MYO16: variants seen among roughly 807,000 people sequenced by gnomAD.
MYO16 encodes myosin XVI.
A neutral mutation model predicts 205.3 loss-of-function variants in MYO16; 94 were observed. The observed-to-expected ratio is 0.46, with a 90% CI of 0.39 to 0.54. The LOEUF (loss-of-function observed/expected upper bound fraction) is 0.54. MYO16 is among the 20% of genes least tolerant of loss of function. MYO16 has a pLI of 0.00. For synonymous variants in MYO16, 988 were observed against 954.0 expected (o/e 1.04, Z -0.66); for missense variants, 2,315 against 2,387.5 (o/e 0.97, Z 0.63).
intron 3 of MYO16, among the ~76,000 whole-genome samples, chr13:108,721,359 G>T (rs930981640): frequency 6.6e-6 from 1 of 152,198 alleles, no homozygotes; most frequent in Admixed American, 6.5e-5. Context: ...TCAGAGTGAA[G>T]CCAGTCTTGC....
At chr13:108,534,562 A>C in the MYO16 span, among the ~76,000 whole-genome samples, 1 of 151,442 alleles carries the variant, frequency 6.6e-6, no homozygotes, top group African/African-American at 2.4e-5. Flanking sequence ...TTTTTTTTCC[A>C]ATTCTACCCA....
At chr13:109,090,287 G>A (rs548148119) in intron 27 of MYO16, among the ~76,000 whole-genome samples, 9 of 152,310 alleles carry the variant, frequency 5.9e-5, no homozygotes, top group African/African-American at 1.2e-4. Context: ...GACCAAATTC[G>A]AAGCCTCAGC....
chr13:108,708,556 T>C (rs1883602520), intron 2 of MYO16, among the ~76,000 whole-genome samples: 1 of 152,234 alleles, frequency 6.6e-6, no homozygotes, highest in Non-Finnish European at 1.5e-5. Context: ...CACCTGTGAT[T>C]GTCCTTCCCT....
In MYO16 at chr13:109,120,472, A is replaced by G. The variant is rs2139760634; in HGVS notation, c.3535+6A>G. 1 of 1,589,878 alleles carries G rather than the reference A, an allele frequency of 6.3e-7. No homozygotes were observed. Among genetic ancestry groups the G allele is most frequent in the Non-Finnish European group, 8.6e-7 (1 of 1,163,830 alleles). On this transcript the variant is annotated splice_donor_region_variant and intron_variant, in intron 29 of 34. Coordinates refer to ENST00000457511, the MANE Select transcript of MYO16 (RefSeq NM_001198950.3). ...AATTATAACCTGCCAAAAAGGTAAC[A>G]TTTATATGCCAACATTTCTGAATTT...
chr13:108,832,299 T>C (rs940172643), intron 9 of MYO16, among the ~76,000 whole-genome samples: 6 of 151,858 alleles, frequency 4.0e-5, no homozygotes, highest in African/African-American at 1.5e-4. Flanking sequence ...TGCACCACCG[T>C]GCCCAGCTAA....
At chr13:108,897,973 T>C (rs774841312) in intron 14 of MYO16, 43 bp from the exon 15 acceptor site, 1 of 1,442,620 alleles carries the variant, frequency 6.9e-7, no homozygotes. Context: ...ATTTTATTTC[T>C]TAAAATATGA....
chr13:108,621,536 A>G (rs982904781), intron 1 of MYO16, among the ~76,000 whole-genome samples: 12 of 152,170 alleles, frequency 7.9e-5, no homozygotes, highest in Non-Finnish European at 1.8e-4. Context: ...TCTGGACATG[A>G]ATCATCCTTT....
chr13:109,019,698 T>A lies in MYO16; in HGVS notation c.2596-13T>A. The A allele has an allele frequency of 6.2e-7, 1 of 1,606,556 alleles. No homozygotes were observed. Among genetic ancestry groups the A allele is most frequent in the Non-Finnish European group, 8.5e-7 (1 of 1,173,794 alleles). ...ATAGACAAAACAACTCCCCATCTCTTCTTAACTCTCAGAAGCCATCTGGAT... is the reference window on the plus strand; with the variant it reads ...ATAGACAAAACAACTCCCCATCTCTACTTAACTCTCAGAAGCCATCTGGAT... On this transcript the variant is annotated splice_polypyrimidine_tract_variant and intron_variant, in intron 22 of 34. Transcript: ENST00000457511.
chr13:108,815,951 T>C (rs1357591888), intron 7 of MYO16, among the ~76,000 whole-genome samples: 1 of 152,166 alleles, frequency 6.6e-6, no homozygotes, highest in African/African-American at 2.4e-5. Flanking sequence ...ACAGCAAGGG[T>C]ACACCAGTAG....
At chr13:108,575,324 G>A in the MYO16 span, among the ~76,000 whole-genome samples, 3 of 152,128 alleles carry the variant, frequency 2.0e-5, no homozygotes, top group African/African-American at 7.2e-5. Context: ...ACCTGTATGG[G>A]TCCTAGGACG....
chr13:109,200,179 T>C (rs2139968824), intron 34 of MYO16, among the ~76,000 whole-genome samples: 1 of 152,308 alleles, frequency 6.6e-6, no homozygotes, highest in South Asian at 2.1e-4. Context: ...TAGTGGCCTA[T>C]CATAGTCTTA....
At chr13:108,717,157 C>T (rs1883975756) in intron 3 of MYO16, among the ~76,000 whole-genome samples, 3 of 152,062 alleles carry the variant, frequency 2.0e-5, no homozygotes, top group Admixed American at 2.0e-4. Context: ...TTGTTATTAC[C>T]TTTATTCGAT....
At chr13:108,722,505 T>C (rs979594208) in intron 3 of MYO16, among the ~76,000 whole-genome samples, 1 of 152,214 alleles carries the variant, frequency 6.6e-6, no homozygotes, top group African/African-American at 2.4e-5. Context: ...GAGGGGCTGA[T>C]ATCACTTTCA....
intron 11 of MYO16, among the ~76,000 whole-genome samples, chr13:108,864,097 C>T (rs1878588865): frequency 6.6e-6 from 1 of 152,100 alleles, no homozygotes; most frequent in Non-Finnish European, 1.5e-5. Context: ...GTAAATTGTA[C>T]ATTTTTCAAA....
At chr13:109,159,015 A>C (rs12873874) in intron 32 of MYO16, among the ~76,000 whole-genome samples, 100 of 152,304 alleles carry the variant, frequency 6.6e-4, no homozygotes, top group South Asian at 2.3e-3. Context: ...CATCAAATTG[A>C]TTTTTATCTC....
the MYO16 span, among the ~76,000 whole-genome samples, chr13:108,533,069 C>G: frequency 2.6e-5 from 4 of 152,050 alleles, no homozygotes; most frequent in Non-Finnish European, 4.4e-5. Context: ...CTTCTGTTTT[C>G]CTTTCAAATT....
chr13:108,905,790 A>G (rs543637909), intron 15 of MYO16, among the ~76,000 whole-genome samples: 1 of 152,080 alleles, frequency 6.6e-6, no homozygotes, highest in African/African-American at 2.4e-5. Flanking sequence ...ACTTTCCTCA[A>G]GAGCTTACTT....
intron 33 of MYO16, among the ~76,000 whole-genome samples, chr13:109,175,743 AG>A (rs1410925789): frequency 6.6e-6 from 1 of 151,912 alleles, no homozygotes; most frequent in African/African-American, 2.4e-5. Flanking sequence ...AATGTGCAGA[AG>A]CTCCTTCTCA....
chr13:108,741,448 C>T (rs1238461268), intron 4 of MYO16, among the ~76,000 whole-genome samples: 4 of 151,960 alleles, frequency 2.6e-5, no homozygotes, highest in Non-Finnish European at 5.9e-5. Flanking sequence ...TTTAAAAGCT[C>T]AAAAATGTGG....
Sources: gnomAD v4.1 joint callset for allele counts (sites outside exome capture counted in the v4.1 genomes callset) on GRCh38, gnomAD v4.1.1 for gene constraint, MANE v1.5 for transcripts, NCBI Gene and HGNC (gene_info 2026-07-23, HGNC 2026-07-21) for gene names.